ACY3: variants seen among roughly 807,000 people sequenced by gnomAD.
ACY3 encodes aminoacylase 3, also known as N-acyl-aromatic-L-amino acid amidohydrolase (carboxylate-forming).
Under a neutral mutation model 24.6 loss-of-function variants are expected in ACY3, and 20 were observed. The observed-to-expected ratio is 0.81, with a 90% CI of 0.57 to 1.18. ACY3 has a LOEUF of 1.18. ACY3 is among the 50% of genes most tolerant of loss of function. ACY3 has a pLI of 0.00. For synonymous variants in ACY3, 174 were observed against 188.4 expected (o/e 0.92, Z 0.62); for missense variants, 423 against 426.8 (o/e 0.99, Z 0.08).
intron 1 of ACY3, among the ~76,000 whole-genome samples, chr11:67,648,283 G>A (rs952626940): frequency 3.3e-5 from 5 of 152,110 alleles, no homozygotes; most frequent in African/African-American, 9.7e-5. Context: ...ACTGTTCAGC[G>A]GCACACAGAG....
rs1484826717 is a variant in ACY3, at chr11:67,642,778, T to C, written c.906A>G (p.Thr302=). 1.2e-6 allele frequency: 2 copies of C among 1,613,970 alleles called. No individual in the cohort carries two copies. Among genetic ancestry groups the C allele is most frequent in the Non-Finnish European group, 8.5e-7 (1 of 1,180,028 alleles). The change falls in exon 8 of 8, where the codon ACA becomes ACG. Residue 302 remains threonine (T), a synonymous_variant. Coordinates refer to ENST00000255082, the MANE Select transcript of ACY3 (RefSeq NM_080658.2). The part of the protein sequence containing the change: ...GVAFVQTEKF[T]FTVPAMPALT... ...GCGCGGGCATGGCAGGCACGGTGAA[T>C]GTGAACTTCTCAGTCTGGACAAAGG...
chr11:67,642,605 G>A lies in ACY3; in HGVS notation c.*119C>T, dbSNP rs1855426143. The stretch of plus-strand genomic sequence containing the variant: ...AGGGAAATTGAGGCCAGGGGTTGGG[G>A]AGGCCTGGCAAGGAACATGGTGCAT... On this transcript the variant is annotated 3_prime_UTR_variant, in exon 8 of 8. Transcript: ENST00000255082. 9.6e-7 allele frequency: 1 copy of A among 1,042,282 alleles called. No homozygotes were observed. The highest frequency in any genetic ancestry group is 1.9e-5 in the Admixed American group (1 of 53,772). The allele number at this position is 1,042,282 out of a possible 1,614,324, so 64.6% of individuals were successfully genotyped here.
chr11:67,645,299 T>TC lies in ACY3; in HGVS notation c.513_514insG (p.Lys172GlufsTer19), dbSNP rs1855491417. 6.2e-7 allele frequency: 1 copy of TC among 1,613,670 alleles called. No homozygotes were observed. Among genetic ancestry groups the TC allele is most frequent in the Non-Finnish European group, 8.5e-7 (1 of 1,179,990 alleles). On this transcript the variant is annotated frameshift_variant, in exon 5 of 8. Transcript: ENST00000255082. LOFTEE classifies it high-confidence loss of function. ...GGCTGCGGCCCACCCAGTCCATTTT[T>TC]GGCCACAGAGTCCAGGTTGTAGCTC...
At position 67,648,626 on chromosome 11, in the gene ACY3, C is replaced by T. The variant is rs1855559735; in HGVS notation, c.-94-1037G>A. 2.6e-5 allele frequency among the ~76,000 whole-genome samples: 4 copies of T among 152,262 alleles called. No homozygotes were observed. In the South Asian group the frequency reaches 8.3e-4, roughly 32 times the overall value. On this transcript the variant is annotated intron_variant, in intron 1 of 7. Coordinates refer to ENST00000255082, the MANE Select transcript of ACY3 (RefSeq NM_080658.2). ...CTTCTTTACCACCACACTGGGTCTCCCCGGGCCAGTCCAGCCCTGCTCCAG... is the reference window on the plus strand; with the variant it reads ...CTTCTTTACCACCACACTGGGTCTCTCCGGGCCAGTCCAGCCCTGCTCCAG...
chr11:67,646,396 T>A (rs1855517707), intron 3 of ACY3, among the ~76,000 whole-genome samples: 1 of 152,248 alleles, frequency 6.6e-6, no homozygotes, highest in African/African-American at 2.4e-5. Context: ...TGTCTCCCCA[T>A]TAAGCTTGAA....
Position 67,642,763 on chromosome 11 carries a change from G to C in ACY3, c.921C>G (p.Ala307=). ...TCGGGGCAGGGGTCAGCGCGGGCAT[G>C]GCAGGCACGGTGAATGTGAACTTCT... ...QTEKFTFTVP[A]MPALTPAPSP... Residue 307 remains alanine, a synonymous_variant, in exon 8 of 8, where the codon GCC becomes GCG. Coordinates refer to ENST00000255082, the MANE Select transcript of ACY3 (RefSeq NM_080658.2). 1 of 1,614,150 alleles carries C rather than the reference G, an allele frequency of 6.2e-7. No homozygotes were observed. The highest frequency in any genetic ancestry group is 8.5e-7 in the Non-Finnish European group (1 of 1,180,026).
rs1002805788 is a variant in ACY3, at chr11:67,648,914, C to T, written c.-94-1325G>A. Among the ~76,000 whole-genome samples, 6 of 152,120 alleles carry T rather than the reference C, an allele frequency of 3.9e-5. No individual in the cohort carries two copies. In the East Asian group the frequency reaches 1.2e-3, roughly 29 times the overall value. On this transcript the variant is annotated intron_variant, in intron 1 of 7. Transcript: ENST00000255082. ...AGGCTGAGCCCCCAGTGGGCCGGGG[C>T]TCCCTATGAGCCCCCTCCAGGGGCC... is the stretch of plus-strand genomic sequence containing the variant.
In ACY3 at chr11:67,650,707, T is replaced by C. The variant is rs2509718; in HGVS notation, c.-219A>G. 0.88 allele frequency: 133,595 copies of C among 152,272 alleles called. 58,882 individuals carry two copies. Among genetic ancestry groups the C allele is most frequent in the South Asian group, 0.94 (4,543 of 4,830 alleles). The allele number at this position is 152,272 out of a possible 1,614,324, so 9.4% of individuals were successfully genotyped here. On this transcript the variant is annotated 5_prime_UTR_variant, in exon 1 of 8. Coordinates refer to ENST00000255082, the MANE Select transcript of ACY3 (RefSeq NM_080658.2). ...GCAGCTGCCTGGAGCTTTTGTTCTG[T>C]GCTGCTCCTTCAGGGAAGAAAGTGG...
At chr11:67,646,019 T>C in intron 3 of ACY3, 132 bp from the exon 4 acceptor site, 1 of 875,398 alleles carries the variant, frequency 1.1e-6, no homozygotes, top group East Asian at 2.7e-5. Context: ...CTTCAGACGT[T>C]GTGGCTGTGT....
At chr11:67,644,730 C>CA (rs1565237682) in intron 7 of ACY3, 30 bp downstream of exon 7, 2 of 1,335,510 alleles carry the variant, frequency 1.5e-6, no homozygotes, top group Admixed American at 5.3e-5. Context: ...AATCACCCCC[C>CA]ACCACACACA....
At chr11:67,643,032 CT>C in intron 7 of ACY3, 93 bp from the exon 8 acceptor site, 2 of 1,139,618 alleles carry the variant, frequency 1.8e-6, no homozygotes, top group Non-Finnish European at 2.6e-6. Context: ...AAAGATGCCC[CT>C]CATTCATGGC....
Position 67,644,811 on chromosome 11 carries a change from G to A in ACY3, c.693C>T (p.Phe231=), listed in dbSNP as rs758176563. 4 of 1,573,320 alleles carry A rather than the reference G, an allele frequency of 2.5e-6. No individual in the cohort carries two copies. The East Asian group carries it at 7.1e-5, about 28-fold the overall frequency. Residue 231 remains phenylalanine, a synonymous_variant, in exon 7 of 8, where the codon TTC becomes TTT. Transcript: ENST00000255082. ...CCAGGTGCCCGGCCTCGGTGCGGGG[G>A]AAGTCCACGACGCCCACGGGTCTAT... ...EAYRPVGVVD[F]PRTEAGHLAG...
At chr11:67,649,538 G>A (rs933846159) in intron 1 of ACY3, among the ~76,000 whole-genome samples, 1 of 152,182 alleles carries the variant, frequency 6.6e-6, no homozygotes, top group Non-Finnish European at 1.5e-5. Context: ...GTGCGCGTGT[G>A]TGCATGTGTG....
Position 67,643,963 on chromosome 11 carries a change from C to G in ACY3, c.744+797G>C, listed in dbSNP as rs1416042611. Among the ~76,000 whole-genome samples the G allele has an allele frequency of 2.0e-5, 3 of 152,086 alleles. No homozygotes were observed. In the East Asian group the frequency reaches 5.8e-4, roughly 29 times the overall value. On this transcript the variant is annotated intron_variant, in intron 7 of 7. Transcript: ENST00000255082. ...TGAGTTGAGATCGCACCACTGCACT[C>G]TAGCCTGGGCAATGAAGCAAGATTC...
chr11:67,647,471 G>C (rs1200285930), intron 2 of ACY3, 45 bp downstream of exon 2: 1 of 162,944 alleles, frequency 6.1e-6, no homozygotes, highest in Admixed American at 6.4e-5. Flanking sequence ...CCTCCTGCTT[G>C]CTCCTCCCAG....
chr11:67,644,645 C>T lies in ACY3; in HGVS notation c.744+115G>A, dbSNP rs1382708955. 6.0e-5 allele frequency: 58 copies of T among 965,784 alleles called. No homozygotes were observed. In the East Asian group the frequency reaches 1.1e-3, roughly 18 times the overall value. 59.8% of individuals were successfully genotyped at this position (965,784 alleles called of 1,614,324 possible). On this transcript the variant is annotated intron_variant, in intron 7 of 7. Coordinates refer to ENST00000255082, the MANE Select transcript of ACY3 (RefSeq NM_080658.2). ...CCTCAACCCGAGATGCTGGTGAGCT[C>T]GTGGGAGGCTTGGCTGCACCCCCTG...
chr11:67,645,632 G>A (rs1184642410), intron 4 of ACY3, 60 bp downstream of exon 4: 27 of 1,526,002 alleles, frequency 1.8e-5, no homozygotes, highest in South Asian at 1.4e-4. Context: ...GCATTGTCCC[G>A]CCTGCCCTCC....
chr11:67,645,331 C>T lies in ACY3; in HGVS notation c.482G>A (p.Gly161Glu). 1 of 1,613,750 alleles carries T rather than the reference C, an allele frequency of 6.2e-7. No individual in the cohort carries two copies. The highest frequency in any genetic ancestry group is 8.5e-7 in the Non-Finnish European group (1 of 1,180,008). ...SCQVFLYQRS[G>E]EESYNLDSVA... Reference sequence around the variant, plus strand: ...AGAGTCCAGGTTGTAGCTCTCCTCCCCAGACCGCTGGTACAGGAAGACCTG... The same window carrying T: ...AGAGTCCAGGTTGTAGCTCTCCTCCTCAGACCGCTGGTACAGGAAGACCTG... The change falls in exon 5 of 8, where the codon GGG becomes GAG. Residue 161 changes from glycine (G) to glutamate (E), a missense_variant. Physicochemically the swap from Gly to Glu is moderately conservative, Grantham distance 98. Transcript: ENST00000255082.
intron 7 of ACY3, among the ~76,000 whole-genome samples, chr11:67,643,964 T>G (rs1399987365): frequency 6.6e-6 from 1 of 151,976 alleles, no homozygotes; most frequent in African/African-American, 2.4e-5. Context: ...CACTGCACTC[T>G]AGCCTGGGCA....
Sources: gnomAD v4.1 joint callset for allele counts (sites outside exome capture counted in the v4.1 genomes callset) on GRCh38, gnomAD v4.1.1 for gene constraint, MANE v1.5 for transcripts, NCBI Gene and HGNC (gene_info 2026-07-23, HGNC 2026-07-21) for gene names.